The following GLI4 variants were observed in gnomAD, a reference collection of about 807,000 sequenced individuals.
GLI4 encodes GLI family zinc finger 4, also known as zinc finger protein GLI4.
A neutral mutation model predicts 30.9 loss-of-function variants in GLI4; 34 were observed. That is an observed-to-expected ratio of 1.10 (90% CI 0.84 to 1.47). GLI4 has a LOEUF of 1.47. Among genes scored for constraint, GLI4 ranks in the 40% most tolerant of loss-of-function variants. GLI4 has a pLI of 0.00. For missense variants in GLI4, 696 were observed against 538.9 expected (o/e 1.29, Z -2.89); for synonymous variants, 277 against 236.7 (o/e 1.17, Z -1.56).
chr8:143,276,085 C>T lies in GLI4; in HGVS notation c.412C>T (p.Gln138Ter), dbSNP rs905283857. 31 of 1,407,548 alleles carry T rather than the reference C, an allele frequency of 2.2e-5. No homozygotes were observed. Among genetic ancestry groups the T allele is most frequent in the African/African-American group, 2.0e-4 (13 of 65,358 alleles). The allele number at this position is 1,407,548 out of a possible 1,614,324, so 87.2% of individuals were successfully genotyped here. Residue 138 changes from glutamine (Q) to a stop codon, truncating the protein, a stop_gained, in exon 4 of 4, where the codon CAG (glutamine) becomes TAG (stop). Coordinates refer to ENST00000340042, the MANE Select transcript of GLI4 (RefSeq NM_138465.4). LOFTEE classifies it high-confidence loss of function. ...GCCGCCTGGGGCCGTCCCTTGCGCC[C>T]AGCCGCGGGGCGCCTGGCGCGTGAC... Reference protein sequence around the residue: ...GQPPGAVPCAQPRGAWRVTLV... With the variant: ...GQPPGAVPCA
chr8:143,269,323 C>G, intron 1 of GLI4, 37 bp from the exon 2 acceptor site: 1 of 1,530,498 alleles, frequency 6.5e-7, no homozygotes, highest in Non-Finnish European at 8.9e-7. Flanking sequence ...ACATTCCTCC[C>G]AATCCCCTCA....
chr8:143,272,120 G>A (rs946218657), intron 2 of GLI4, among the ~76,000 whole-genome samples: 1 of 152,214 alleles, frequency 6.6e-6, no homozygotes, highest in African/African-American at 2.4e-5. Flanking sequence ...AGGAAGAAGT[G>A]AGGGAGGGGA....
At chr8:143,273,650 CACAGCCAGGCA>C (rs1815318366) in intron 2 of GLI4, among the ~76,000 whole-genome samples, 8 of 102,360 alleles carry the variant, frequency 7.8e-5, no homozygotes, top group Non-Finnish European at 1.4e-4. Context: ...AACGGGGTGT[CACAGCCAGGCA>C]CTGTGTTATG....
At chr8:143,270,854 G>A (rs1815252716) in intron 2 of GLI4, among the ~76,000 whole-genome samples, 1 of 152,222 alleles carries the variant, frequency 6.6e-6, no homozygotes, top group South Asian at 2.1e-4. Flanking sequence ...TCTTGGCACA[G>A]CACAGGACAC....
chr8:143,271,878 C>T (rs1010346480), intron 2 of GLI4, among the ~76,000 whole-genome samples: 1 of 152,168 alleles, frequency 6.6e-6, no homozygotes, highest in African/African-American at 2.4e-5. Context: ...CCTTGCAGAG[C>T]GGGGAGACCA....
At chr8:143,267,670 G>A (rs1298604354) in intron 1 of GLI4, 186 bp downstream of exon 1, 18 of 985,338 alleles carry the variant, frequency 1.8e-5, no homozygotes, top group Middle Eastern at 5.2e-4. Context: ...GGGTCGCGGA[G>A]CAGCAGCGGA....
intron 2 of GLI4, among the ~76,000 whole-genome samples, chr8:143,270,135 C>G (rs981734074): frequency 6.6e-6 from 1 of 152,262 alleles, no homozygotes; most frequent in African/African-American, 2.4e-5. Flanking sequence ...TGGCCCAACC[C>G]AGCACATGAG....
chr8:143,274,473 A>C, intron 2 of GLI4: 3 of 368,640 alleles, frequency 8.1e-6, no homozygotes, highest in Non-Finnish European at 9.8e-6. Flanking sequence ...CTGAAGGGGA[A>C]TGAGCTCCCA....
intron 1 of GLI4, chr8:143,267,927 G>A: frequency 1.0e-6 from 1 of 985,448 alleles, no homozygotes; most frequent in South Asian, 4.7e-5. Flanking sequence ...GGCAGAGGAT[G>A]CTTCCCCCGA....
chr8:143,275,489 T>C (rs1815363490), intron 3 of GLI4: 3 of 1,315,834 alleles, frequency 2.3e-6, no homozygotes, highest in Non-Finnish European at 2.9e-6. Context: ...GCTGTGCCCA[T>C]ATGGACCACA....
chr8:143,275,401 G>A lies in GLI4; in HGVS notation c.224-496G>A, dbSNP rs748928367. ...AAGAGACCCTGGGCCAGAGATTTGC[G>A]TGGGAAGCTCCTGGGGTGGGCATGG... On this transcript the variant is annotated intron_variant, in intron 3 of 3. Transcript: ENST00000340042. 3 of 1,395,282 alleles carry A rather than the reference G, an allele frequency of 2.2e-6. No individual in the cohort carries two copies. The East Asian group carries it at 8.0e-5, about 37-fold the overall frequency. The allele number at this position is 1,395,282 out of a possible 1,614,324, so 86.4% of individuals were successfully genotyped here.
In GLI4 at chr8:143,276,186, G is replaced by C; in HGVS notation, c.513G>C (p.Arg171=). 1 of 1,561,440 alleles carries C rather than the reference G, an allele frequency of 6.4e-7. No homozygotes were observed. The highest frequency in any genetic ancestry group is 8.7e-7 in the Non-Finnish European group (1 of 1,153,660). The stretch of plus-strand genomic sequence containing the variant: ...CCGAGCTGGGAGTCAACTTCGGTCG[G>C]AGCCGGCAGGGCAGCGCGCGGGGGG... ...RAAELGVNFG[R]SRQGSARGAK... The change falls in exon 4 of 4, where the codon CGG becomes CGC. Residue 171 remains arginine (R), a synonymous_variant. Transcript: ENST00000340042.
chr8:143,269,014 T>A (rs1815206694), intron 1 of GLI4, among the ~76,000 whole-genome samples: 1 of 152,214 alleles, frequency 6.6e-6, no homozygotes, highest in Admixed American at 6.5e-5. Context: ...CAGCTAATTT[T>A]TATATTTTTA....
chr8:143,271,332 G>A (rs1815263984), intron 2 of GLI4, among the ~76,000 whole-genome samples: 1 of 152,188 alleles, frequency 6.6e-6, no homozygotes, highest in Admixed American at 6.5e-5. Context: ...TAAGGGGGCG[G>A]CCTTCATCCC....
At chr8:143,271,977 G>A (rs1490914752) in intron 2 of GLI4, among the ~76,000 whole-genome samples, 1 of 152,204 alleles carries the variant, frequency 6.6e-6, no homozygotes, top group Non-Finnish European at 1.5e-5. Flanking sequence ...TGGGCTTGGG[G>A]GACTGAGGGT....
At chr8:143,274,573 T>A (rs1815341900) in intron 2 of GLI4, 131 bp from the exon 3 acceptor site, 1 of 834,048 alleles carries the variant, frequency 1.2e-6, no homozygotes. Context: ...GCAGCGGGCC[T>A]GCTGTTGGGA....
rs1815213996 is a variant in GLI4, at chr8:143,269,349, A to G, written c.-37-11A>G. 1.3e-6 allele frequency: 2 copies of G among 1,591,136 alleles called. No homozygotes were observed. The highest frequency in any genetic ancestry group is 1.7e-4 in the Middle Eastern group (1 of 5,956). On this transcript the variant is annotated splice_polypyrimidine_tract_variant and intron_variant, in intron 1 of 3. Coordinates refer to ENST00000340042, the MANE Select transcript of GLI4 (RefSeq NM_138465.4). ...AATCCCCTCATCTGCCATGGTTTTC[A>G]TTTTCCCCAGGTCCCAGGTGTGACA...
chr8:143,274,748 C>G lies in GLI4; in HGVS notation c.169C>G (p.Leu57Val). Residue 57 changes from leucine (L) to valine (V), a missense_variant, in exon 3 of 4, where the codon CTG becomes GTG. Leu to Val is a conservative substitution (Grantham distance 32). Transcript: ENST00000340042. ...TAAGGTGCTCTCCCAGCCGTCCGAC[C>G]TGGATCTCCAAGACGTAGAGGAAGT... is the stretch of plus-strand genomic sequence containing the variant. ...SPKVLSQPSD[L>V]DLQDVEEVEI... 6.4e-7 allele frequency: 1 copy of G among 1,572,010 alleles called. No homozygotes were observed. The highest frequency in any genetic ancestry group is 8.6e-7 in the Non-Finnish European group (1 of 1,156,920).
chr8:143,274,802 G>A lies in GLI4; in HGVS notation c.223G>A (p.Asp75Asn), dbSNP rs751293783. 88 of 1,556,668 alleles carry A rather than the reference G, an allele frequency of 5.7e-5. 1 individual carries two copies. Among genetic ancestry groups the A allele is most frequent in the Admixed American group, 4.6e-4 (25 of 53,858 alleles). ...VEIGRDTFWP[D>N]SEPKPEQAPR... ...GATCGGCAGAGACACCTTCTGGCCC[G>A]GTGAGTGAGCAGAATCGGGTTACTG... The change falls in exon 3 of 4, where the codon GAC becomes AAC. Residue 75 changes from aspartate (D) to asparagine (N), a missense_variant and splice_region_variant. Asp to Asn is a conservative substitution (Grantham distance 23). Transcript: ENST00000340042.
Sources: allele counts gnomAD v4.1 joint callset (sites outside exome capture counted in the v4.1 genomes callset), GRCh38; gene constraint gnomAD v4.1.1; transcripts MANE v1.5; gene names NCBI Gene and HGNC (gene_info 2026-07-23, HGNC 2026-07-21).